Variants in GET1 observed in about 807,000 individuals in gnomAD.
GET1 encodes the protein guided entry of tail-anchored proteins factor 1.
Under a neutral mutation model 22.6 loss-of-function variants are expected in GET1, and 20 were observed. The observed-to-expected ratio is 0.89, with a 90% confidence interval of 0.62 to 1.29. The LOEUF is 1.29. Among genes scored for constraint, GET1 ranks in the 50% most tolerant of loss-of-function variants. The pLI is 0.00. For synonymous variants in GET1, 92 were observed against 83.8 expected (o/e 1.10, Z -0.53); for missense variants, 209 against 219.9 (o/e 0.95, Z 0.31).
At chr21:39,380,784 C>A (rs2037508140) in intron 1 of GET1, 1 of 1,100,522 alleles carries the variant, frequency 9.1e-7, no homozygotes. Context: ...CGCTGTCAGC[C>A]TCGTTTCCGT....
intron 1 of GET1, chr21:39,423,195 T>C (rs1308256955): frequency 6.2e-7 from 1 of 1,613,204 alleles, no homozygotes; most frequent in South Asian, 1.1e-5. Flanking sequence ...AATTTTTTAC[T>C]TCATTCTGAT....
chr21:39,380,954 T>A, intron 1 of GET1: 1 of 994,010 alleles, frequency 1.0e-6, no homozygotes, highest in Non-Finnish European at 1.2e-6. Context: ...GTAGAGAGAA[T>A]CTCAGTACAG....
At chr21:39,408,590 C>CT (rs2039519726), downstream of GET1, 3 of 152,312 alleles carry the variant, frequency 2.0e-5, no homozygotes, top group South Asian at 6.2e-4. Context: ...GTTGTACTCT[C>CT]TATCAAACCC....
intron 1 of GET1, among the ~76,000 whole-genome samples, chr21:39,420,253 G>A (rs1431814502): frequency 1.3e-5 from 2 of 152,066 alleles, no homozygotes; most frequent in African/African-American, 4.8e-5. Context: ...CAGGTGCGGT[G>A]GCTCACACCT....
chr21:39,390,911 G>T, intron 2 of GET1, 48 bp downstream of exon 2: 1 of 1,601,294 alleles, frequency 6.2e-7, no homozygotes. Context: ...CGGATGAATA[G>T]AGAAGTCTGT....
In GET1 at chr21:39,396,862, T is replaced by C. The variant is rs774736973; in HGVS notation, c.452-4T>C. ...GCTCTCATGGTGAATGTCTTTGTTT[T>C]CAGGTGGTGTTGGAATTACCTGTTG... On this transcript the variant is annotated splice_polypyrimidine_tract_variant and splice_region_variant and intron_variant, in intron 4 of 4. Coordinates refer to ENST00000649170, the MANE Select transcript of GET1 (RefSeq NM_004627.6). 1.2e-6 allele frequency: 2 copies of C among 1,613,924 alleles called. No homozygotes were observed. The highest frequency in any genetic ancestry group is 1.7e-6 in the Non-Finnish European group (2 of 1,179,962).
chr21:39,415,829 AGT>A (rs2041043114), intron 1 of GET1, among the ~76,000 whole-genome samples: 1 of 152,180 alleles, frequency 6.6e-6, no homozygotes, highest in Non-Finnish European at 1.5e-5. Context: ...AGTTTCCCAC[AGT>A]CTCATGCTGC....
At chr21:39,423,589 A>G (rs946123719) in intron 1 of GET1, 41 of 994,902 alleles carry the variant, frequency 4.1e-5, no homozygotes, top group Non-Finnish European at 5.8e-5. Context: ...ATGCACACAC[A>G]CCACACACAT....
chr21:39,417,529 T>G (rs1432581449), intron 1 of GET1, among the ~76,000 whole-genome samples: 1 of 152,200 alleles, frequency 6.6e-6, no homozygotes, highest in South Asian at 2.1e-4. Flanking sequence ...TTTCTATTGC[T>G]TCCTTTATCT....
At chr21:39,405,833 C>T in intron 4 of GET1, 1 of 1,356,448 alleles carries the variant, frequency 7.4e-7, no homozygotes, top group Non-Finnish European at 9.9e-7. Flanking sequence ...ATGCAAGGCA[C>T]ATAAGCAGCA....
intron 1 of GET1, among the ~76,000 whole-genome samples, chr21:39,424,545 C>T (rs549706834): frequency 2.0e-5 from 3 of 152,294 alleles, no homozygotes; most frequent in African/African-American, 4.8e-5. Context: ...ATATGTCAGG[C>T]ATTAAACTAA....
chr21:39,406,687 C>A, downstream of GET1: 1 of 1,088,828 alleles, frequency 9.2e-7, no homozygotes, highest in Non-Finnish European at 1.3e-6. Context: ...ATGTCTAGTA[C>A]ACTTACGTGC....
intron 1 of GET1, among the ~76,000 whole-genome samples, chr21:39,385,296 C>T (rs890875739): frequency 3.9e-5 from 6 of 152,128 alleles, no homozygotes; most frequent in African/African-American, 1.2e-4. Flanking sequence ...CACTGGTCCC[C>T]GCACTGGTCT....
At chr21:39,410,833 T>C (rs544769121), downstream of GET1, 3 of 471,168 alleles carry the variant, frequency 6.4e-6, no homozygotes, top group African/African-American at 6.0e-5. Context: ...TCATTGTCTC[T>C]ATTATTCTAG....
At chr21:39,387,813 A>G (rs2038019270) in intron 1 of GET1, 9 of 985,446 alleles carry the variant, frequency 9.1e-6, no homozygotes, top group Non-Finnish European at 1.1e-5. Context: ...TCCAAGCTCT[A>G]AATGGAGAGT....
At chr21:39,413,494 C>T (rs756510368) in intron 1 of GET1, among the ~76,000 whole-genome samples, 1 of 152,116 alleles carries the variant, frequency 6.6e-6, no homozygotes, top group Non-Finnish European at 1.5e-5. Flanking sequence ...ATTTTTGTAC[C>T]TGAATTGTAC....
downstream of GET1, among the ~76,000 whole-genome samples, chr21:39,407,223 TCAAAACAAAA>T (rs903799630): frequency 6.6e-5 from 10 of 152,084 alleles, no homozygotes; most frequent in African/African-American, 1.9e-4. Flanking sequence ...CAGAGCTGTT[TCAAAACAAAA>T]CAAAACAAAA....
intron 1 of GET1, among the ~76,000 whole-genome samples, chr21:39,387,300 T>C (rs1255706249): frequency 6.6e-6 from 1 of 152,240 alleles, no homozygotes; most frequent in Non-Finnish European, 1.5e-5. Context: ...AGTTGTTTTG[T>C]GTATTCCCTA....
chr21:39,389,312 C>T (rs773234298), intron 1 of GET1, among the ~76,000 whole-genome samples: 3 of 151,730 alleles, frequency 2.0e-5, no homozygotes, highest in Middle Eastern at 3.2e-3. Context: ...GACAAGGTCT[C>T]ACCCTGTCGC....
Sources: allele counts gnomAD v4.1 joint callset (sites outside exome capture counted in the v4.1 genomes callset), GRCh38; gene constraint gnomAD v4.1.1; transcripts MANE v1.5; gene names NCBI Gene and HGNC (gene_info 2026-07-23, HGNC 2026-07-21).